SDK1: variants seen among roughly 807,000 people sequenced by gnomAD.
The protein encoded by SDK1 is protein sidekick-1.
Under a neutral mutation model 245.5 loss-of-function variants are expected in SDK1, and 157 were observed. The ratio of observed to expected loss-of-function variants is 0.64; its 90% CI spans 0.56 to 0.73. The LOEUF (loss-of-function observed/expected upper bound fraction) is 0.73, where lower values mean the gene tolerates loss of function less well. Among genes scored for constraint, SDK1 ranks in the 30% least tolerant of loss-of-function variants. The probability of loss-of-function intolerance (pLI) is 0.00; values close to 1 mark genes in which losing one functional copy is unlikely to be tolerated. For missense variants in SDK1, 3,583 were observed against 3,002.3 expected (o/e 1.19, Z -4.52); for synonymous variants, 1,647 against 1,278.5 (o/e 1.29, Z -6.15).
chr7:3,424,739 AT>A (rs1335357128), intron 1 of SDK1, among the ~76,000 whole-genome samples: 1 of 152,092 alleles, frequency 6.6e-6, no homozygotes, highest in Non-Finnish European at 1.5e-5. Context: ...TCTACAAAAA[AT>A]AAAAAAACTA....
intron 4 of SDK1, among the ~76,000 whole-genome samples, chr7:3,708,815 A>G (rs1034220991): frequency 2.0e-5 from 3 of 152,266 alleles, no homozygotes; most frequent in African/African-American, 7.2e-5. Flanking sequence ...AGTCTCTTGA[A>G]GACATCAGAT....
intron 22 of SDK1, among the ~76,000 whole-genome samples, chr7:4,099,807 A>G (rs1239575721): frequency 6.6e-6 from 1 of 150,742 alleles, no homozygotes; most frequent in Non-Finnish European, 1.5e-5. Flanking sequence ...AGCTGGTGGG[A>G]AAGGCCATGC....
intron 5 of SDK1, among the ~76,000 whole-genome samples, chr7:3,924,355 C>T (rs2128114409): frequency 6.6e-6 from 1 of 152,282 alleles, no homozygotes; most frequent in African/African-American, 2.4e-5. Context: ...TCTTGGAAGA[C>T]ATCAAATTGT....
At chr7:3,688,082 C>T (rs936017844) in intron 4 of SDK1, among the ~76,000 whole-genome samples, 1 of 152,216 alleles carries the variant, frequency 6.6e-6, no homozygotes, top group Non-Finnish European at 1.5e-5. Flanking sequence ...AGCCAGTGTA[C>T]TAAGAGCTGA....
intron 19 of SDK1, among the ~76,000 whole-genome samples, chr7:4,058,586 A>G (rs1779341501): frequency 6.6e-6 from 1 of 152,192 alleles, no homozygotes; most frequent in South Asian, 2.1e-4. Context: ...ACAGAATTCC[A>G]AAAACACCAA....
intron 1 of SDK1, among the ~76,000 whole-genome samples, chr7:3,411,605 T>A (rs530426868): frequency 2.6e-5 from 4 of 152,184 alleles, no homozygotes; most frequent in Non-Finnish European, 4.4e-5. Context: ...CCAGCAAATC[T>A]GAAATGCAAT....
chr7:3,498,139 C>G (rs1368974193), intron 1 of SDK1, among the ~76,000 whole-genome samples: 6 of 152,124 alleles, frequency 3.9e-5, no homozygotes, highest in African/African-American at 1.4e-4. Flanking sequence ...TAATTTGGGC[C>G]TCTTTGTAAA....
rs936243539 is a variant in SDK1 at position 3,467,173 on chromosome 7, T to C, written c.299-151907T>C. Among the ~76,000 whole-genome samples, 7 of 152,142 alleles carry C rather than the reference T, an allele frequency of 4.6e-5. No homozygotes were observed. The South Asian group carries it at 1.2e-3, about 27-fold the overall frequency. ...ATGGGGAAAGTATTTTTATGATCAA[T>C]AAAAATATTTTTCTGTAATATGTAT... On this transcript the variant is annotated intron_variant, in intron 1 of 44. Coordinates refer to ENST00000404826, the MANE Select transcript of SDK1 (RefSeq NM_152744.4).
intron 1 of SDK1, among the ~76,000 whole-genome samples, chr7:3,527,273 T>C (rs1783170684): frequency 6.6e-6 from 1 of 152,128 alleles, no homozygotes; most frequent in Non-Finnish European, 1.5e-5. Flanking sequence ...TACATTCTAG[T>C]GTGGGAGAGA....
At position 4,265,734 on chromosome 7, in the gene SDK1, C is replaced by A; in HGVS notation, c.*350C>A. 1 of 1,061,892 alleles carries A rather than the reference C, an allele frequency of 9.4e-7. No individual in the cohort carries two copies. Among genetic ancestry groups the A allele is most frequent in the Non-Finnish European group, 1.1e-6 (1 of 882,760 alleles). The allele number at this position is 1,061,892 out of a possible 1,614,324, so 65.8% of individuals were successfully genotyped here. On this transcript the variant is annotated 3_prime_UTR_variant, in exon 45 of 45. Transcript: ENST00000404826. The stretch of plus-strand genomic sequence containing the variant: ...TCAAGACCAACTAGGAAGGGTCAAG[C>A]GGGGAGAGGGAGTGGAGGGTCAGGT...
intron 1 of SDK1, among the ~76,000 whole-genome samples, chr7:3,552,114 C>G (rs1028558047): frequency 2.0e-5 from 3 of 152,174 alleles, no homozygotes; most frequent in Admixed American, 1.3e-4. Flanking sequence ...TCTTGGCTCA[C>G]TGCAAGCTCC....
chr7:3,972,584 A>G (rs536005382), intron 12 of SDK1, among the ~76,000 whole-genome samples: 3 of 152,358 alleles, frequency 2.0e-5, no homozygotes, highest in South Asian at 2.1e-4. Context: ...ATATCCAGTC[A>G]TCAGAGTATT....
chr7:3,413,615 C>T (rs560336029), intron 1 of SDK1, among the ~76,000 whole-genome samples: 1 of 152,194 alleles, frequency 6.6e-6, no homozygotes, highest in Admixed American at 6.5e-5. Context: ...CACTTGAACC[C>T]AGGGGGCGGT....
chr7:3,449,812 T>C (rs1780455649), intron 1 of SDK1, among the ~76,000 whole-genome samples: 1 of 152,214 alleles, frequency 6.6e-6, no homozygotes. Flanking sequence ...TTTGTGAGGC[T>C]CTGGGGAATA....
rs1220523441 is a variant in SDK1 at position 3,525,674 on chromosome 7, G to T, written c.299-93406G>T. Among the ~76,000 whole-genome samples, 4 of 152,126 alleles carry T rather than the reference G, an allele frequency of 2.6e-5. No homozygotes were observed. The East Asian group carries it at 7.7e-4, about 29-fold the overall frequency. ...TCTAATGAAGGGATTAATTTGGCAG[G>T]TGATATCAACTTGCAAGCCAAATTT... On this transcript the variant is annotated intron_variant, in intron 1 of 44. Transcript: ENST00000404826.
chr7:4,094,387 G>C (rs1378070336), intron 22 of SDK1, among the ~76,000 whole-genome samples: 3 of 152,168 alleles, frequency 2.0e-5, no homozygotes, highest in African/African-American at 4.8e-5. Context: ...AAGCCAAATG[G>C]ATTGCCCTGG....
chr7:3,736,954 C>G (rs1013923536), intron 4 of SDK1, among the ~76,000 whole-genome samples: 4 of 152,184 alleles, frequency 2.6e-5, no homozygotes, highest in African/African-American at 4.8e-5. Context: ...CCTTGGCAAC[C>G]AGCATTCTAC....
Position 3,349,766 on chromosome 7 carries a change from A to AT in SDK1, c.298+47891dup, listed in dbSNP as rs10718478. On this transcript the variant is annotated intron_variant, in intron 1 of 44. Transcript: ENST00000404826. ...AGGCACCTGCCACCACGCCTGGTTA[A>AT]TTTTTTTTTGTATTTTTAGTAGAGA... Among the ~76,000 whole-genome samples the AT allele has an allele frequency of 3.4e-3, 521 of 151,110 alleles. 1 individual carries two copies. The highest frequency in any genetic ancestry group is 6.1e-3 in the Non-Finnish European group (415 of 67,708).
chr7:4,033,811 G>A (rs1024520971), intron 17 of SDK1, among the ~76,000 whole-genome samples: 9 of 152,158 alleles, frequency 5.9e-5, no homozygotes, highest in African/African-American at 2.2e-4. Context: ...TGAGGCTCGG[G>A]GGAGGGGGAA....
Sources: allele counts gnomAD v4.1 joint callset (sites outside exome capture counted in the v4.1 genomes callset), GRCh38; gene constraint gnomAD v4.1.1; transcripts MANE v1.5; gene names NCBI Gene and HGNC (gene_info 2026-07-23, HGNC 2026-07-21).